Variants in ACBD6 observed in about 807,000 individuals in gnomAD.
ACBD6 encodes the protein acyl-CoA-binding domain-containing protein 6.
ACBD6 carries 28 observed loss-of-function variants against 37.2 expected under a neutral mutation model. The observed-to-expected ratio is 0.75, with a 90% CI of 0.56 to 1.03. The LOEUF is 1.03. Ranked by LOEUF, ACBD6 falls within the 50% of genes least tolerant of loss-of-function variation. The probability of loss-of-function intolerance (pLI) is 0.00; values close to 1 mark genes in which losing one functional copy is unlikely to be tolerated. For synonymous variants in ACBD6, 113 were observed against 126.8 expected (o/e 0.89, Z 0.73); for missense variants, 340 against 337.4 (o/e 1.01, Z -0.06).
At chr1:180,490,847 G>A (rs1358149741) in intron 3 of ACBD6, among the ~76,000 whole-genome samples, 2 of 149,274 alleles carry the variant, frequency 1.3e-5, no homozygotes, top group African/African-American at 4.9e-5. Flanking sequence ...TGCACCTATA[G>A]TCCCAGAGGC....
intron 4 of ACBD6, among the ~76,000 whole-genome samples, chr1:180,422,991 G>A (rs560141869): frequency 6.6e-6 from 1 of 152,134 alleles, no homozygotes; most frequent in East Asian, 1.9e-4. Flanking sequence ...TTTCTGGATT[G>A]AGAATGGCAC....
In ACBD6 at chr1:180,288,452, G is replaced by T. The variant is rs370869949; in HGVS notation, c.760C>A (p.Arg254=). The change falls in exon 8 of 8, where the codon CGA becomes AGA. Residue 254 remains arginine, a synonymous_variant. Coordinates refer to ENST00000367595, the MANE Select transcript of ACBD6 (RefSeq NM_032360.4). ...TCTGGCAGGCAGCCATCCTGGTCTC[G>T]GAGAGTGGGGTCAGCACCAGACTGG... The part of the protein sequence containing the change: ...LLQSGADPTL[R]DQDGCLPEEV... 5 of 1,613,642 alleles carry T rather than the reference G, an allele frequency of 3.1e-6. No homozygotes were observed. In the African/African-American group the frequency reaches 6.7e-5, roughly 22 times the overall value.
At chr1:180,452,750 G>A (rs1472161460) in intron 3 of ACBD6, among the ~76,000 whole-genome samples, 1 of 152,124 alleles carries the variant, frequency 6.6e-6, no homozygotes, top group Admixed American at 6.5e-5. Flanking sequence ...TGATCCTACA[G>A]AAATACAAGC....
chr1:180,435,241 C>T, intron 3 of ACBD6: 1 of 658,580 alleles, frequency 1.5e-6, no homozygotes, highest in Non-Finnish European at 2.9e-6. Context: ...GGCTGGCTGG[C>T]CGGCTACCAG....
At chr1:180,477,954 C>G (rs1650863690) in intron 3 of ACBD6, among the ~76,000 whole-genome samples, 1 of 147,480 alleles carries the variant, frequency 6.8e-6, no homozygotes, top group African/African-American at 2.6e-5. Context: ...CTAGCCTAGG[C>G]AACATAGTGA....
intron 3 of ACBD6, among the ~76,000 whole-genome samples, chr1:180,439,996 A>T (rs1261438421): frequency 6.6e-6 from 1 of 152,234 alleles, no homozygotes; most frequent in African/African-American, 2.4e-5. Context: ...TGGAGGTCCA[A>T]ATTTCCATCT....
intron 6 of ACBD6, among the ~76,000 whole-genome samples, chr1:180,368,698 C>T (rs926926124): frequency 8.7e-5 from 13 of 149,220 alleles, no homozygotes; most frequent in African/African-American, 3.2e-4. Flanking sequence ...AGTACCAAAT[C>T]CTACATATAT....
At chr1:180,394,601 A>G (rs1654195048) in intron 6 of ACBD6, among the ~76,000 whole-genome samples, 2 of 152,216 alleles carry the variant, frequency 1.3e-5, no homozygotes, top group Admixed American at 1.3e-4. Context: ...GCACAAATAC[A>G]TGAACAGAAA....
chr1:180,484,519 T>C (rs1651180598), intron 3 of ACBD6, among the ~76,000 whole-genome samples: 1 of 151,974 alleles, frequency 6.6e-6, no homozygotes, highest in Non-Finnish European at 1.5e-5. Context: ...GAGTTACAAA[T>C]ATGAAAGAGG....
chr1:180,471,613 C>T (rs980856678), intron 3 of ACBD6, among the ~76,000 whole-genome samples: 15 of 152,008 alleles, frequency 9.9e-5, no homozygotes, highest in African/African-American at 2.7e-4. Context: ...GAAGCAAAAG[C>T]GGATACCCCT....
chr1:180,379,733 AC>A (rs1195537937), intron 6 of ACBD6, among the ~76,000 whole-genome samples: 14 of 152,350 alleles, frequency 9.2e-5, no homozygotes, highest in African/African-American at 3.1e-4. Flanking sequence ...GAACAAAAAA[AC>A]AATGAGTAAA....
chr1:180,488,297 T>C (rs569742325), intron 3 of ACBD6, among the ~76,000 whole-genome samples: 1 of 152,266 alleles, frequency 6.6e-6, no homozygotes, highest in African/African-American at 2.4e-5. Context: ...TTAATTATAG[T>C]AGACATTGAA....
chr1:180,326,509 C>G (rs755577747), intron 6 of ACBD6: 1 of 152,470 alleles, frequency 6.6e-6, no homozygotes, highest in African/African-American at 2.4e-5. Flanking sequence ...GGCATGGAAT[C>G]AGGCACCCCA....
intron 3 of ACBD6, among the ~76,000 whole-genome samples, chr1:180,431,775 A>T (rs1648821325): frequency 6.6e-6 from 1 of 152,228 alleles, no homozygotes; most frequent in Admixed American, 6.5e-5. Context: ...ACGAAAGGAA[A>T]AAAAATAGAG....
At chr1:180,402,587 A>C (rs945227573) in intron 5 of ACBD6, among the ~76,000 whole-genome samples, 3 of 152,166 alleles carry the variant, frequency 2.0e-5, no homozygotes, top group South Asian at 2.1e-4. Context: ...GGAAGGCCAA[A>C]GCGGGCAAGT....
chr1:180,454,557 G>C (rs1336865580), intron 3 of ACBD6, among the ~76,000 whole-genome samples: 1 of 152,144 alleles, frequency 6.6e-6, no homozygotes, highest in Non-Finnish European at 1.5e-5. Flanking sequence ...CTTCTGCACA[G>C]CAAAAGAAAC....
intron 3 of ACBD6, among the ~76,000 whole-genome samples, chr1:180,450,295 T>C (rs2102025539): frequency 6.6e-6 from 1 of 152,338 alleles, no homozygotes; most frequent in East Asian, 1.9e-4. Context: ...AAACAGTCTG[T>C]TCAATTCCAA....
At chr1:180,436,368 T>A (rs1475931939) in intron 3 of ACBD6, among the ~76,000 whole-genome samples, 1 of 152,180 alleles carries the variant, frequency 6.6e-6, no homozygotes, top group Non-Finnish European at 1.5e-5. Flanking sequence ...TGAATGGGAT[T>A]TTTTTTAGAC....
intron 6 of ACBD6, among the ~76,000 whole-genome samples, chr1:180,386,737 T>G (rs1653859817): frequency 6.6e-6 from 1 of 152,182 alleles, no homozygotes; most frequent in Non-Finnish European, 1.5e-5. Context: ...GCTATTATAT[T>G]TGCAATTCTA....
Sources: gnomAD v4.1 joint callset for allele counts (sites outside exome capture counted in the v4.1 genomes callset) on GRCh38, gnomAD v4.1.1 for gene constraint, MANE v1.5 for transcripts, NCBI Gene and HGNC (gene_info 2026-07-23, HGNC 2026-07-21) for gene names.